Variants in COL8A1 observed in about 807,000 individuals in gnomAD.
COL8A1 encodes the protein collagen alpha-1(VIII) chain.
COL8A1 carries 21 observed loss-of-function variants against 42.7 expected under a neutral mutation model. The observed-to-expected ratio is 0.49, with a 90% CI of 0.35 to 0.71. The LOEUF (loss-of-function observed/expected upper bound fraction) is 0.71. COL8A1 is among the 30% of genes least tolerant of loss of function. The probability of loss-of-function intolerance (pLI) is 0.01; values close to 1 mark genes in which losing one functional copy is unlikely to be tolerated. For synonymous variants in COL8A1, 367 were observed against 369.1 expected (o/e 0.99, Z 0.06); for missense variants, 788 against 962.4 (o/e 0.82, Z 2.40).
intron 1 of COL8A1, among the ~76,000 whole-genome samples, chr3:99,651,057 G>A (rs1458929550): frequency 6.6e-6 from 1 of 152,050 alleles, no homozygotes; most frequent in African/African-American, 2.4e-5. Context: ...TAATAATATT[G>A]TACAAATGGT....
intron 1 of COL8A1, among the ~76,000 whole-genome samples, chr3:99,646,489 C>T (rs934201505): frequency 6.6e-5 from 10 of 151,480 alleles, no homozygotes; most frequent in African/African-American, 2.5e-4. Context: ...AAATAACTAC[C>T]TTCTTTACCA....
chr3:99,708,899 C>T (rs1018244643), intron 1 of COL8A1, among the ~76,000 whole-genome samples: 5 of 151,684 alleles, frequency 3.3e-5, no homozygotes, highest in Admixed American at 1.3e-4. Context: ...GAAGTATTTC[C>T]TGGAAAACTA....
At chr3:99,672,364 T>A (rs1400925727) in intron 1 of COL8A1, among the ~76,000 whole-genome samples, 3 of 151,992 alleles carry the variant, frequency 2.0e-5, no homozygotes, top group African/African-American at 4.8e-5. Flanking sequence ...CATAGCTATC[T>A]TCCATGTTTT....
At chr3:99,697,682 A>T (rs879540793) in intron 1 of COL8A1, among the ~76,000 whole-genome samples, 19 of 152,214 alleles carry the variant, frequency 1.2e-4, no homozygotes, top group Non-Finnish European at 2.6e-4. Flanking sequence ...GTTAAAAGAC[A>T]TGAGATACTC....
At chr3:99,715,634 G>C (rs1939973922) in intron 1 of COL8A1, among the ~76,000 whole-genome samples, 1 of 151,874 alleles carries the variant, frequency 6.6e-6, no homozygotes, top group Non-Finnish European at 1.5e-5. Context: ...CCTTTTTTCT[G>C]CATTTATCTC....
chr3:99,762,606 A>G (rs1576467093), intron 2 of COL8A1, among the ~76,000 whole-genome samples: 1 of 152,312 alleles, frequency 6.6e-6, no homozygotes, highest in East Asian at 1.9e-4. Context: ...TCCCATTCAC[A>G]GAGCAAAACT....
At chr3:99,726,093 T>C (rs1940315699) in intron 1 of COL8A1, among the ~76,000 whole-genome samples, 1 of 152,198 alleles carries the variant, frequency 6.6e-6, no homozygotes. Context: ...TCTGACTTTT[T>C]AATGATTGCC....
At chr3:99,673,016 C>T (rs1938591353) in intron 1 of COL8A1, among the ~76,000 whole-genome samples, 1 of 151,984 alleles carries the variant, frequency 6.6e-6, no homozygotes, top group South Asian at 2.1e-4. Context: ...AAGATCATCT[C>T]TTTCCATTCC....
intron 1 of COL8A1, among the ~76,000 whole-genome samples, chr3:99,719,494 G>A (rs1233134099): frequency 1.3e-5 from 2 of 152,120 alleles, no homozygotes; most frequent in East Asian, 1.9e-4. Context: ...CAGGTCTGGT[G>A]TGATAAATCA....
chr3:99,643,003 T>C (rs762464738), intron 1 of COL8A1, among the ~76,000 whole-genome samples: 1 of 152,180 alleles, frequency 6.6e-6, no homozygotes, highest in Non-Finnish European at 1.5e-5. Context: ...TCATAAAAGA[T>C]AAATGCTGGA....
chr3:99,719,705 A>G (rs1940094715), intron 1 of COL8A1, among the ~76,000 whole-genome samples: 1 of 152,174 alleles, frequency 6.6e-6, no homozygotes, highest in Admixed American at 6.6e-5. Context: ...TCCAGAAGTT[A>G]AGAAAGTATG....
At chr3:99,762,070 T>C (rs1173758705) in intron 2 of COL8A1, among the ~76,000 whole-genome samples, 1 of 152,222 alleles carries the variant, frequency 6.6e-6, no homozygotes, top group African/African-American at 2.4e-5. Flanking sequence ...GAAACTGTCC[T>C]GTTATTGGTT....
intron 1 of COL8A1, among the ~76,000 whole-genome samples, chr3:99,711,433 A>C (rs959913136): frequency 6.6e-6 from 1 of 152,090 alleles, no homozygotes; most frequent in African/African-American, 2.4e-5. Flanking sequence ...TCTTCTCAAA[A>C]CCCATTCTCG....
At chr3:99,778,201 T>TGG (rs1337659333) in intron 2 of COL8A1, among the ~76,000 whole-genome samples, 2 of 152,202 alleles carry the variant, frequency 1.3e-5, no homozygotes, top group Admixed American at 6.5e-5. Flanking sequence ...GCCTACTGCC[T>TGG]GACTCTGTCC....
intron 1 of COL8A1, among the ~76,000 whole-genome samples, chr3:99,675,090 G>T (rs1392729562): frequency 2.0e-5 from 3 of 151,888 alleles, no homozygotes; most frequent in African/African-American, 7.3e-5. Context: ...GGTTATTTCT[G>T]ATTTTCTCAT....
At chr3:99,734,024 A>C (rs1219878753) in intron 1 of COL8A1, among the ~76,000 whole-genome samples, 1 of 151,884 alleles carries the variant, frequency 6.6e-6, no homozygotes. Context: ...AATTTGTTTG[A>C]GTTCATTGTA....
At chr3:99,726,687 G>T (rs1940339023) in intron 1 of COL8A1, among the ~76,000 whole-genome samples, 1 of 151,920 alleles carries the variant, frequency 6.6e-6, no homozygotes, top group Non-Finnish European at 1.5e-5. Flanking sequence ...CCCATTGCTT[G>T]TTTTTCTCAG....
At chr3:99,753,447 T>C (rs1941192273) in intron 2 of COL8A1, among the ~76,000 whole-genome samples, 1 of 152,188 alleles carries the variant, frequency 6.6e-6, no homozygotes, top group South Asian at 2.1e-4. Context: ...GGAGTTTTGT[T>C]AAAGGCTCAC....
intron 1 of COL8A1, among the ~76,000 whole-genome samples, chr3:99,735,666 A>C (rs1271196857): frequency 6.7e-6 from 1 of 150,078 alleles, no homozygotes; most frequent in Non-Finnish European, 1.5e-5. Flanking sequence ...CTGGCCTCAT[A>C]AAATGAGTTA....
Sources: allele counts gnomAD v4.1 joint callset (sites outside exome capture counted in the v4.1 genomes callset), GRCh38; gene constraint gnomAD v4.1.1; transcripts MANE v1.5; gene names NCBI Gene and HGNC (gene_info 2026-07-23, HGNC 2026-07-21).